RAB22A: variants seen among roughly 807,000 people sequenced by gnomAD.
RAB22A encodes the protein ras-related protein Rab-22A.
Under a neutral mutation model 30.2 loss-of-function variants are expected in RAB22A, and 13 were observed. The ratio of observed to expected loss-of-function variants is 0.43; its 90% CI spans 0.28 to 0.68. RAB22A has a LOEUF of 0.68. Ranked by LOEUF, RAB22A falls within the 30% of genes least tolerant of loss-of-function variation. The pLI, the probability that RAB22A is intolerant of heterozygous loss-of-function variation, is 0.18. For missense variants in RAB22A, 177 were observed against 246.8 expected (o/e 0.72, Z 1.89); for synonymous variants, 89 against 87.2 (o/e 1.02, Z -0.11).
At chr20:58,313,942 C>T (rs369053774) in intron 2 of RAB22A, among the ~76,000 whole-genome samples, 15 of 152,310 alleles carry the variant, frequency 9.8e-5, no homozygotes, top group African/African-American at 3.4e-4. Flanking sequence ...TGGTACTTTT[C>T]AGAGCAAGTT....
rs1987218286 is a variant in RAB22A at position 58,361,111 on chromosome 20, A to C, written c.*1408A>C. 6.5e-6 allele frequency: 1 copy of C among 152,676 alleles called. No homozygotes were observed. Among genetic ancestry groups the C allele is most frequent in the Non-Finnish European group, 1.5e-5 (1 of 68,044 alleles). 9.5% of individuals were successfully genotyped at this position (152,676 alleles called of 1,614,324 possible). ...ATGAGGTTTTTAATATCATCTAAAA[A>C]TAAAGCATTGAAGTGAAGTTGGTGA... is the stretch of plus-strand genomic sequence containing the variant. On this transcript the variant is annotated 3_prime_UTR_variant, in exon 7 of 7. Coordinates refer to ENST00000244040, the MANE Select transcript of RAB22A (RefSeq NM_020673.3).
intron 2 of RAB22A, among the ~76,000 whole-genome samples, chr20:58,335,578 TG>T (rs1170231573): frequency 6.6e-6 from 1 of 152,182 alleles, no homozygotes; most frequent in African/African-American, 2.4e-5. Context: ...TGTATATGCA[TG>T]TGCTTTATCT....
chr20:58,318,752 A>G (rs905026619), intron 2 of RAB22A, among the ~76,000 whole-genome samples: 1 of 151,990 alleles, frequency 6.6e-6, no homozygotes, highest in Non-Finnish European at 1.5e-5. Flanking sequence ...CCCTCCCTCC[A>G]TCTTTCCATT....
intron 2 of RAB22A, among the ~76,000 whole-genome samples, chr20:58,338,640 C>T (rs776782023): frequency 6.6e-6 from 1 of 152,198 alleles, no homozygotes; most frequent in Non-Finnish European, 1.5e-5. Context: ...CTTCTTGAAG[C>T]CACTCTAACA....
At chr20:58,332,000 T>C (rs1272166712) in intron 2 of RAB22A, among the ~76,000 whole-genome samples, 1 of 152,172 alleles carries the variant, frequency 6.6e-6, no homozygotes, top group Admixed American at 6.5e-5. Flanking sequence ...ACAACCACTG[T>C]AAACAACAAC....
Position 58,366,842 on chromosome 20 carries a change from G to T in RAB22A, c.*7139G>T, listed in dbSNP as rs1987328355. On this transcript the variant is annotated 3_prime_UTR_variant, in exon 7 of 7. Transcript: ENST00000244040. ...AGAACTTCGCTGAATTTGTAATAAAGCATTTGTTAAGCGTGTAAAAGTCCA... is the reference window on the plus strand; with the variant it reads ...AGAACTTCGCTGAATTTGTAATAAATCATTTGTTAAGCGTGTAAAAGTCCA... The T allele has an allele frequency of 6.6e-6, 1 of 152,372 alleles. No individual in the cohort carries two copies. Among genetic ancestry groups the T allele is most frequent in the Non-Finnish European group, 1.5e-5 (1 of 68,026 alleles). 9.4% of individuals were successfully genotyped at this position (152,372 alleles called of 1,614,324 possible).
At chr20:58,335,869 C>T (rs1986741740) in intron 2 of RAB22A, among the ~76,000 whole-genome samples, 1 of 152,228 alleles carries the variant, frequency 6.6e-6, no homozygotes, top group Non-Finnish European at 1.5e-5. Context: ...TTTCCCTCAC[C>T]GCAGTTGATA....
intron 2 of RAB22A, among the ~76,000 whole-genome samples, chr20:58,321,370 A>G (rs1280903770): frequency 6.6e-6 from 1 of 152,120 alleles, no homozygotes; most frequent in African/African-American, 2.4e-5. Context: ...GTGTCAAAAA[A>G]AAAAAGTCTA....
At chr20:58,346,315 C>T (rs1446651925) in intron 3 of RAB22A, among the ~76,000 whole-genome samples, 1 of 152,194 alleles carries the variant, frequency 6.6e-6, no homozygotes, top group Non-Finnish European at 1.5e-5. Context: ...CCTTCAGTGA[C>T]TTCCCACTGC....
chr20:58,359,372 A>G (rs1183455050), intron 6 of RAB22A, among the ~76,000 whole-genome samples: 1 of 152,130 alleles, frequency 6.6e-6, no homozygotes, highest in Non-Finnish European at 1.5e-5. Context: ...CTTCATTTTG[A>G]CAAATGTCCC....
chr20:58,327,862 AAG>A (rs1266580130), intron 2 of RAB22A, among the ~76,000 whole-genome samples: 1 of 152,212 alleles, frequency 6.6e-6, no homozygotes, highest in Non-Finnish European at 1.5e-5. Context: ...TAAAAAGTCA[AAG>A]AGAGACTGAG....
At chr20:58,358,179 G>T (rs191651534) in intron 6 of RAB22A, among the ~76,000 whole-genome samples, 1 of 152,180 alleles carries the variant, frequency 6.6e-6, no homozygotes, top group Non-Finnish European at 1.5e-5. Context: ...TTATCAGCCA[G>T]GTAGGTAGAT....
At chr20:58,328,889 A>G (rs755515311) in intron 2 of RAB22A, among the ~76,000 whole-genome samples, 2 of 152,178 alleles carry the variant, frequency 1.3e-5, no homozygotes, top group South Asian at 2.1e-4. Context: ...TTACACACAT[A>G]TTAGCATTAC....
rs780271742 is a variant in RAB22A, at chr20:58,354,283, T to A, written c.487+18T>A. ...AGAAATTAGTGAGTATCTCTGTGCCTTATCCATTTCCTCTGTAAAAGCCGC... is the reference window on the plus strand; with the variant it reads ...AGAAATTAGTGAGTATCTCTGTGCCATATCCATTTCCTCTGTAAAAGCCGC... On this transcript the variant is annotated intron_variant, in intron 6 of 6. Transcript: ENST00000244040. The A allele has an allele frequency of 5.8e-6, 9 of 1,551,048 alleles. No homozygotes were observed. Among genetic ancestry groups the A allele is most frequent in the Non-Finnish European group, 7.1e-6 (8 of 1,128,842 alleles).
intron 2 of RAB22A, among the ~76,000 whole-genome samples, chr20:58,324,188 T>C (rs775230149): frequency 3.9e-5 from 6 of 152,214 alleles, no homozygotes; most frequent in Non-Finnish European, 8.8e-5. Context: ...TGTTGCCATC[T>C]GGGCTTCAAG....
At chr20:58,355,234 A>G (rs1179595714) in intron 6 of RAB22A, among the ~76,000 whole-genome samples, 1 of 152,168 alleles carries the variant, frequency 6.6e-6, no homozygotes, top group Non-Finnish European at 1.5e-5. Flanking sequence ...TCCAGAGCCC[A>G]CCAAGGCCAG....
intron 2 of RAB22A, among the ~76,000 whole-genome samples, chr20:58,327,657 G>A (rs887399433): frequency 1.3e-5 from 2 of 152,142 alleles, no homozygotes; most frequent in African/African-American, 4.8e-5. Flanking sequence ...CCAAACTCAA[G>A]GGAGTAGGGA....
At chr20:58,328,318 A>G (rs975316816) in intron 2 of RAB22A, among the ~76,000 whole-genome samples, 2 of 152,096 alleles carry the variant, frequency 1.3e-5, no homozygotes, top group African/African-American at 4.8e-5. Flanking sequence ...AGTAGCTAAG[A>G]CTACAGGTGC....
In RAB22A at chr20:58,359,886, A is replaced by G. The variant is rs781691169; in HGVS notation, c.*183A>G. On this transcript the variant is annotated 3_prime_UTR_variant, in exon 7 of 7. Coordinates refer to ENST00000244040, the MANE Select transcript of RAB22A (RefSeq NM_020673.3). ...TGCAGCAATGATATTTCAGTCTGTG[A>G]ACTTCTATTATGTAAAGAATCTCTA... 2.2e-6 allele frequency: 1 copy of G among 444,454 alleles called. No individual in the cohort carries two copies. The highest frequency in any genetic ancestry group is 4.0e-6 in the Non-Finnish European group (1 of 247,814). 27.5% of individuals were successfully genotyped at this position (444,454 alleles called of 1,614,324 possible).
Sources: allele counts gnomAD v4.1 joint callset (sites outside exome capture counted in the v4.1 genomes callset), GRCh38; gene constraint gnomAD v4.1.1; transcripts MANE v1.5; gene names NCBI Gene and HGNC (gene_info 2026-07-23, HGNC 2026-07-21).